Variants in PALMD observed in about 807,000 individuals in gnomAD.
PALMD encodes paralemmin-like protein.
In PALMD, 42 loss-of-function variants were observed where a neutral mutation model predicts 56.2. That is an observed-to-expected ratio of 0.75 (90% CI 0.58 to 0.97). The LOEUF is 0.97. Among genes scored for constraint, PALMD ranks in the 50% least tolerant of loss-of-function variants. PALMD has a pLI of 0.00. For missense variants in PALMD, 660 were observed against 643.8 expected (o/e 1.03, Z -0.27); for synonymous variants, 242 against 222.9 (o/e 1.09, Z -0.76).
intron 3 of PALMD, among the ~76,000 whole-genome samples, chr1:99,678,537 G>T (rs1209655905): frequency 6.6e-6 from 1 of 152,138 alleles, no homozygotes; most frequent in East Asian, 1.9e-4. Flanking sequence ...GAGAAAAAAA[G>T]CTTGGAGGGG....
Position 99,689,559 on chromosome 1 carries a change from G to C in PALMD, c.1299G>C (p.Leu433=). ...ACAGTGAAGAAGATAAGAAGTTTCT[G>C]ACAGGATATGATGGGATCATCCATG... ...AEDSEEDKKF[L]TGYDGIIHAE... Residue 433 remains leucine, a synonymous_variant, in exon 7 of 8, where the codon CTG becomes CTC. Transcript: ENST00000263174. 3 of 1,613,772 alleles carry C rather than the reference G, an allele frequency of 1.9e-6. No homozygotes were observed. Among genetic ancestry groups the C allele is most frequent in the Non-Finnish European group, 1.7e-6 (2 of 1,179,836 alleles).
At chr1:99,667,881 T>A in intron 3 of PALMD, 115 bp downstream of exon 3, 8 of 1,038,408 alleles carry the variant, frequency 7.7e-6, no homozygotes, top group Non-Finnish European at 1.1e-5. Flanking sequence ...CATTTGAATT[T>A]CTTTTTTTTT....
chr1:99,670,065 G>C (rs145349154), intron 3 of PALMD, among the ~76,000 whole-genome samples: 1 of 152,246 alleles, frequency 6.6e-6, no homozygotes, highest in East Asian at 1.9e-4. Context: ...GACTGAAAAG[G>C]TATTCTCTCT....
chr1:99,685,955 G>T (rs1010640216), intron 3 of PALMD: 1 of 152,186 alleles, frequency 6.6e-6, no homozygotes, highest in African/African-American at 2.4e-5. Context: ...CAGAATGCTT[G>T]CAACAGTCTA....
At chr1:99,656,423 T>A (rs1209355728) in intron 1 of PALMD, among the ~76,000 whole-genome samples, 3 of 152,208 alleles carry the variant, frequency 2.0e-5, no homozygotes, top group Admixed American at 1.3e-4. Context: ...TTGTTGGTAG[T>A]ACTTAAATTC....
intron 1 of PALMD, among the ~76,000 whole-genome samples, chr1:99,655,293 A>C (rs115394525): frequency 0.011 from 1,633 of 152,284 alleles, 31 homozygotes; most frequent in African/African-American, 0.037. Flanking sequence ...TTAGATGATA[A>C]ATAATATTAA....
At chr1:99,671,736 T>C (rs942451035) in intron 3 of PALMD, among the ~76,000 whole-genome samples, 10 of 152,184 alleles carry the variant, frequency 6.6e-5, no homozygotes, top group African/African-American at 2.4e-4. Flanking sequence ...ACATTTGCTG[T>C]GGACCAGGCA....
intron 3 of PALMD, chr1:99,685,208 C>G (rs1452139319): frequency 6.6e-6 from 1 of 152,180 alleles, no homozygotes; most frequent in Non-Finnish European, 1.5e-5. Flanking sequence ...TAATTATGCT[C>G]ATTACACACA....
chr1:99,682,870 G>T (rs540538448), intron 3 of PALMD, among the ~76,000 whole-genome samples: 1 of 151,816 alleles, frequency 6.6e-6, no homozygotes, highest in Non-Finnish European at 1.5e-5. Flanking sequence ...GCCAGGCGTC[G>T]TGGTGCACTC....
chr1:99,664,369 T>C (rs983828468), intron 2 of PALMD, among the ~76,000 whole-genome samples: 8 of 152,292 alleles, frequency 5.3e-5, no homozygotes, highest in African/African-American at 1.9e-4. Flanking sequence ...TTTATATGGA[T>C]GTATATAGGG....
At chr1:99,655,677 C>T (rs1278182435) in intron 1 of PALMD, among the ~76,000 whole-genome samples, 4 of 152,252 alleles carry the variant, frequency 2.6e-5, no homozygotes, top group African/African-American at 9.6e-5. Context: ...AATTTTTCTA[C>T]CCCCTGAAAT....
At chr1:99,686,134 GC>G (rs1279866732) in intron 3 of PALMD, 1 of 151,946 alleles carries the variant, frequency 6.6e-6, no homozygotes, top group Middle Eastern at 3.2e-3. Context: ...CTATAATATG[GC>G]CCAACTCTTA....
At chr1:99,651,387 C>T (rs112439954) in intron 1 of PALMD, among the ~76,000 whole-genome samples, 9 of 152,180 alleles carry the variant, frequency 5.9e-5, no homozygotes, top group African/African-American at 1.9e-4. Context: ...GCTAACTCCT[C>T]TACTGACAAA....
chr1:99,679,389 C>T (rs568070015), intron 3 of PALMD, among the ~76,000 whole-genome samples: 1 of 152,210 alleles, frequency 6.6e-6, no homozygotes, highest in African/African-American at 2.4e-5. Context: ...GCTTAGGAAA[C>T]CCCAGATTCT....
At position 99,689,760 on chromosome 1, in the gene PALMD, CA is replaced by C; in HGVS notation, c.1505del (p.Asn502IlefsTer5). On this transcript the variant is annotated frameshift_variant, in exon 7 of 8. Transcript: ENST00000263174. LOFTEE classifies it high-confidence loss of function. Reference protein sequence around the residue: ...HENTNHKSPHKNSISLKEQEE... With the variant: ...HENTNHKSPHXNSISLKEQEE... Reference sequence around the variant, plus strand: ...AAAACACAAATCATAAATCCCCCCACAAAAATTCCATATCTCTGAAAGAGCA... The same window carrying C: ...AAAACACAAATCATAAATCCCCCCACAAAATTCCATATCTCTGAAAGAGCA... 3 of 1,613,892 alleles carry C rather than the reference CA, an allele frequency of 1.9e-6. No homozygotes were observed. Among genetic ancestry groups the C allele is most frequent in the Non-Finnish European group, 2.5e-6 (3 of 1,179,866 alleles).
intron 3 of PALMD, among the ~76,000 whole-genome samples, chr1:99,676,637 G>A (rs1032842554): frequency 5.3e-5 from 8 of 152,050 alleles, no homozygotes; most frequent in Admixed American, 3.9e-4. Flanking sequence ...GTTAGAACAC[G>A]TGGTATTTGT....
At position 99,689,344 on chromosome 1, in the gene PALMD, G is replaced by A. The variant is rs1165303377; in HGVS notation, c.1084G>A (p.Ala362Thr). 2 of 1,613,642 alleles carry A rather than the reference G, an allele frequency of 1.2e-6. No homozygotes were observed. Among genetic ancestry groups the A allele is most frequent in the Non-Finnish European group, 1.7e-6 (2 of 1,179,818 alleles). ...ATCGAATGTCATGCAGGACAAAGATGCACCCTCTCCAAAGCCAAGGCTGAG... is the reference window on the plus strand; with the variant it reads ...ATCGAATGTCATGCAGGACAAAGATACACCCTCTCCAAAGCCAAGGCTGAG... ...EESNVMQDKD[A>T]PSPKPRLSPR... is the part of the protein sequence containing the mutation. Residue 362 changes from alanine (A) to threonine (T), a missense_variant, in exon 7 of 8, where the codon GCA becomes ACA. Ala to Thr is a moderately conservative substitution (Grantham distance 58). Transcript: ENST00000263174.
intron 3 of PALMD, among the ~76,000 whole-genome samples, chr1:99,682,647 G>A (rs12072388): frequency 0.065 from 9,885 of 151,884 alleles, 611 homozygotes; most frequent in African/African-American, 0.17. Flanking sequence ...ATTCCCTAAG[G>A]TGTCATTGGC....
intron 3 of PALMD, among the ~76,000 whole-genome samples, chr1:99,672,882 C>CCCTTCTGA (rs1324378191): frequency 6.6e-6 from 1 of 152,056 alleles, no homozygotes; most frequent in Non-Finnish European, 1.5e-5. Flanking sequence ...CTCCAAAGTG[C>CCCTTCTGA]CCTTCTGACC....
Sources: allele counts gnomAD v4.1 joint callset (sites outside exome capture counted in the v4.1 genomes callset), GRCh38; gene constraint gnomAD v4.1.1; transcripts MANE v1.5; gene names NCBI Gene and HGNC (gene_info 2026-07-23, HGNC 2026-07-21).